CCDC102B: variants seen among roughly 807,000 people sequenced by gnomAD.
CCDC102B encodes coiled-coil domain containing 102B, also known as coiled-coil domain-containing protein 102B.
In CCDC102B, 75 loss-of-function variants were observed where a neutral mutation model predicts 57.4. That is an observed-to-expected ratio of 1.31 (90% CI 1.08 to 1.58). The LOEUF (loss-of-function observed/expected upper bound fraction) is 1.58. Among genes scored for constraint, CCDC102B ranks in the 40% most tolerant of loss-of-function variants. The pLI is 0.00. For synonymous variants in CCDC102B, 206 were observed against 201.9 expected, an observed-to-expected ratio of 1.02 and a Z score of -0.17; for missense variants, 636 against 582.6, an observed-to-expected ratio of 1.09 and a Z score of -0.94.
intron 4 of CCDC102B, among the ~76,000 whole-genome samples, chr18:68,857,240 A>AATATATT (rs1568292466): frequency 1.3e-5 from 1 of 79,372 alleles, no homozygotes; most frequent in African/African-American, 4.8e-5. Context: ...TTATATATAA[A>AATATATT]TATATATTTA....
intron 6 of CCDC102B, among the ~76,000 whole-genome samples, chr18:68,988,345 A>T (rs900602210): frequency 2.6e-5 from 4 of 152,086 alleles, no homozygotes; most frequent in African/African-American, 9.7e-5. Context: ...ATAAACTTTG[A>T]GCACACCCGG....
intron 7 of CCDC102B, among the ~76,000 whole-genome samples, chr18:69,028,149 A>T (rs746167233): frequency 2.6e-5 from 4 of 152,184 alleles, no homozygotes; most frequent in Admixed American, 6.5e-5. Context: ...GCAACTAAGG[A>T]CATCTAGCTT....
At chr18:68,902,874 A>G (rs1275739291) in intron 6 of CCDC102B, among the ~76,000 whole-genome samples, 1 of 152,190 alleles carries the variant, frequency 6.6e-6, no homozygotes, top group African/African-American at 2.4e-5. Flanking sequence ...TCTCTATTGT[A>G]TGTGACTAGG....
intron 7 of CCDC102B, among the ~76,000 whole-genome samples, chr18:69,017,196 G>A (rs1255243895): frequency 6.6e-6 from 1 of 152,066 alleles, no homozygotes; most frequent in Non-Finnish European, 1.5e-5. Context: ...GCTCACTGAA[G>A]CCTCAACCTC....
intron 5 of CCDC102B, among the ~76,000 whole-genome samples, chr18:68,879,022 C>T (rs1007081147): frequency 2.0e-5 from 3 of 152,182 alleles, no homozygotes; most frequent in East Asian, 1.9e-4. Flanking sequence ...CTGGTGGGTT[C>T]GTGGTCTCGC....
chr18:68,850,559 G>A (rs952970237), intron 4 of CCDC102B, among the ~76,000 whole-genome samples: 2 of 152,026 alleles, frequency 1.3e-5, no homozygotes, highest in Non-Finnish European at 2.9e-5. Context: ...TGGTTGAAGG[G>A]AAAGATACTT....
At chr18:68,782,578 C>G (rs2035043213) in intron 2 of CCDC102B, among the ~76,000 whole-genome samples, 1 of 151,946 alleles carries the variant, frequency 6.6e-6, no homozygotes, top group East Asian at 1.9e-4. Flanking sequence ...ATGATATCCT[C>G]AGCTTTTTTC....
At position 68,823,165 on chromosome 18, in the gene CCDC102B, G is replaced by A. The variant is rs548349347; in HGVS notation, c.-15-13584G>A. On this transcript the variant is annotated intron_variant, in intron 1 of 7. Transcript: ENST00000360242. ...GGCCAATGCTTCATTCGCATAGGTT[G>A]TAACCAATTGGAGGCCTCTAAAGGG... 4.6e-5 allele frequency among the ~76,000 whole-genome samples: 7 copies of A among 152,316 alleles called. No individual in the cohort carries two copies. In the East Asian group the frequency reaches 1.4e-3, roughly 29 times the overall value.
rs1485324737 is a variant in CCDC102B at position 68,810,513 on chromosome 18, A to C, written c.-16+12332A>C. Among the ~76,000 whole-genome samples the C allele has an allele frequency of 2.6e-5, 4 of 152,094 alleles. No homozygotes were observed. The East Asian group carries it at 7.7e-4, about 29-fold the overall frequency. The stretch of plus-strand genomic sequence containing the variant: ...TATGTGCCTTAATCCAGGAAATAAT[A>C]TCTCTATTATTAGCATATCTTATTC... On this transcript the variant is annotated intron_variant, in intron 1 of 7. Transcript: ENST00000360242.
chr18:68,900,153 G>A (rs1433113032), intron 6 of CCDC102B: 1 of 152,122 alleles, frequency 6.6e-6, no homozygotes, highest in East Asian at 1.9e-4. Flanking sequence ...CTGTTCCATG[G>A]TCCCGTGGCA....
intron 2 of CCDC102B, chr18:68,753,792 G>C (rs2033949506): frequency 6.6e-6 from 1 of 151,892 alleles, no homozygotes; most frequent in African/African-American, 2.4e-5. Context: ...GAACTCCTGG[G>C]CTTATGCAAT....
intron 7 of CCDC102B, among the ~76,000 whole-genome samples, chr18:69,015,742 AAG>A (rs1414284657): frequency 2.0e-5 from 3 of 152,210 alleles, no homozygotes; most frequent in African/African-American, 7.2e-5. Flanking sequence ...TGCTTATTTT[AAG>A]CAAATTTACA....
chr18:68,798,677 G>A (rs1479824098), intron 1 of CCDC102B, among the ~76,000 whole-genome samples: 1 of 152,004 alleles, frequency 6.6e-6, no homozygotes, highest in East Asian at 1.9e-4. Flanking sequence ...TTCGTTAATG[G>A]AAAGTATATT....
At chr18:69,034,766 TAC>T (rs955148528) in intron 7 of CCDC102B, among the ~76,000 whole-genome samples, 21 of 151,304 alleles carry the variant, frequency 1.4e-4, no homozygotes, top group African/African-American at 4.3e-4. Flanking sequence ...TGTATATATA[TAC>T]ACACACACAC....
intron 6 of CCDC102B, among the ~76,000 whole-genome samples, chr18:68,940,388 A>G (rs2049345461): frequency 6.6e-6 from 1 of 151,840 alleles, no homozygotes; most frequent in African/African-American, 2.4e-5. Flanking sequence ...TCATCAGCCA[A>G]AATCTCCCAC....
intron 1 of CCDC102B, among the ~76,000 whole-genome samples, chr18:68,815,677 T>TACACACACAC (rs10592850): frequency 0.027 from 4,021 of 149,240 alleles, 144 homozygotes; most frequent in African/African-American, 0.076. Context: ...TCCATTTACA[T>TACACACACAC]ACACACACAC....
chr18:68,719,079 G>A (rs2032184338), intron 2 of CCDC102B, among the ~76,000 whole-genome samples: 1 of 151,742 alleles, frequency 6.6e-6, no homozygotes. Context: ...TAAAGTCATT[G>A]TTATTTGAAA....
At chr18:68,880,398 TGA>T (rs979093309) in intron 5 of CCDC102B, among the ~76,000 whole-genome samples, 2 of 152,154 alleles carry the variant, frequency 1.3e-5, no homozygotes, top group African/African-American at 4.8e-5. Flanking sequence ...CCCTGCAAGC[TGA>T]GGGAGCCGGC....
chr18:68,978,394 A>G (rs892898075), intron 6 of CCDC102B, among the ~76,000 whole-genome samples: 1 of 152,088 alleles, frequency 6.6e-6, no homozygotes, highest in Non-Finnish European at 1.5e-5. Context: ...TTATTATAAT[A>G]GTACCTCTAA....
Sources: gnomAD v4.1 joint callset for allele counts (sites outside exome capture counted in the v4.1 genomes callset) on GRCh38, gnomAD v4.1.1 for gene constraint, MANE v1.5 for transcripts, NCBI Gene and HGNC (gene_info 2026-07-23, HGNC 2026-07-21) for gene names.